POLDIP3: variants seen among roughly 807,000 people sequenced by gnomAD.
POLDIP3 encodes polymerase delta-interacting protein 3.
Under a neutral mutation model 45.1 loss-of-function variants are expected in POLDIP3, and 14 were observed. The observed-to-expected ratio is 0.31, with a 90% CI of 0.20 to 0.49. The LOEUF is 0.49. Ranked by LOEUF, POLDIP3 falls within the 20% of genes least tolerant of loss-of-function variation. POLDIP3 has a pLI of 0.99. For missense variants in POLDIP3, 511 were observed against 538.8 expected (o/e 0.95, Z 0.51); for synonymous variants, 223 against 205.2 (o/e 1.09, Z -0.74).
chr22:42,591,366 A>AT (rs928454518), intron 7 of POLDIP3, among the ~76,000 whole-genome samples: 2 of 151,940 alleles, frequency 1.3e-5, no homozygotes, highest in Admixed American at 6.6e-5. Context: ...TTTATTTGTA[A>AT]TTTTTTTTAT....
At chr22:42,589,510 C>T (rs1454205068) in intron 7 of POLDIP3, among the ~76,000 whole-genome samples, 1 of 151,518 alleles carries the variant, frequency 6.6e-6, no homozygotes, top group East Asian at 1.9e-4. Context: ...AGGAACAGAC[C>T]AACAGTAATA....
chr22:42,605,114 T>C (rs1471766865), intron 1 of POLDIP3, among the ~76,000 whole-genome samples: 1 of 152,046 alleles, frequency 6.6e-6, no homozygotes, highest in Non-Finnish European at 1.5e-5. Context: ...GACAAGGAAG[T>C]TTCTTTTCTT....
intron 8 of POLDIP3, among the ~76,000 whole-genome samples, chr22:42,586,548 AT>A (rs1329017427): frequency 1.3e-5 from 2 of 152,206 alleles, no homozygotes; most frequent in East Asian, 3.8e-4. Context: ...GGTAACATCC[AT>A]TAGCATATTA....
At chr22:42,614,510 C>T (rs1481561241) in intron 1 of POLDIP3, among the ~76,000 whole-genome samples, 1 of 152,206 alleles carries the variant, frequency 6.6e-6, no homozygotes, top group African/African-American at 2.4e-5. Flanking sequence ...CCCCAGGACC[C>T]CGGAACGCGG....
At chr22:42,606,281 G>T (rs564596122) in intron 1 of POLDIP3, among the ~76,000 whole-genome samples, 80 of 152,038 alleles carry the variant, frequency 5.3e-4, no homozygotes, top group African/African-American at 1.9e-3. Context: ...CAGCACTTTG[G>T]GAGGCCAAAT....
At chr22:42,593,326 A>G (rs1235397260) in intron 6 of POLDIP3, among the ~76,000 whole-genome samples, 1 of 152,148 alleles carries the variant, frequency 6.6e-6, no homozygotes, top group African/African-American at 2.4e-5. Context: ...TTTTATTACC[A>G]TTGTCCTTTT....
In POLDIP3 at chr22:42,585,559, T is replaced by C. The variant is rs530201086; in HGVS notation, c.*232A>G. ...CACACTGAAAAACACAAGCCTACCT[T>C]GGCGATGAGATGAAGAAACATACTA... On this transcript the variant is annotated 3_prime_UTR_variant, in exon 9 of 9. Coordinates refer to ENST00000252115, the MANE Select transcript of POLDIP3 (RefSeq NM_032311.5). The C allele has an allele frequency of 5.3e-4, 279 of 523,196 alleles. No individual in the cohort carries two copies. The highest frequency in any genetic ancestry group is 8.5e-4 in the Non-Finnish European group (248 of 292,588). 32.4% of individuals were successfully genotyped at this position (523,196 alleles called of 1,614,324 possible).
intron 7 of POLDIP3, 22 bp downstream of exon 7, chr22:42,591,933 G>T: frequency 6.2e-7 from 1 of 1,613,956 alleles, no homozygotes; most frequent in South Asian, 1.1e-5. Flanking sequence ...AGGGTCAGGG[G>T]ACTGCTTTCT....
intron 2 of POLDIP3, 179 bp from the exon 3 acceptor site, chr22:42,602,235 A>G (rs1926436612): frequency 9.8e-7 from 1 of 1,019,446 alleles, no homozygotes; most frequent in South Asian, 1.7e-5. Flanking sequence ...TCCAGAGACC[A>G]TGCCGGTAAC....
intron 6 of POLDIP3, among the ~76,000 whole-genome samples, chr22:42,594,537 G>C (rs1166612167): frequency 4.6e-5 from 7 of 151,952 alleles, no homozygotes; most frequent in Admixed American, 4.6e-4. Flanking sequence ...AAAACAAAAA[G>C]ATTTAACAAA....
chr22:42,589,377 CTA>C (rs987401012), intron 7 of POLDIP3, among the ~76,000 whole-genome samples: 1 of 151,798 alleles, frequency 6.6e-6, no homozygotes, highest in Non-Finnish European at 1.5e-5. Context: ...AAAAAAGTGA[CTA>C]GAGGTAAAGA....
intron 6 of POLDIP3, among the ~76,000 whole-genome samples, chr22:42,594,620 T>C (rs1925872910): frequency 6.6e-6 from 1 of 152,250 alleles, no homozygotes; most frequent in African/African-American, 2.4e-5. Context: ...AACGTATTCA[T>C]TTTGTGATCT....
intron 1 of POLDIP3, among the ~76,000 whole-genome samples, chr22:42,607,135 CT>C (rs1342804066): frequency 6.6e-6 from 1 of 152,198 alleles, no homozygotes; most frequent in Non-Finnish European, 1.5e-5. Context: ...CCCCCTCCCC[CT>C]CTCCCCAGTT....
chr22:42,608,444 C>A (rs1288988789), intron 1 of POLDIP3, among the ~76,000 whole-genome samples: 2 of 149,782 alleles, frequency 1.3e-5, no homozygotes, highest in Non-Finnish European at 3.0e-5. Context: ...CAAAACAAAA[C>A]AAAAAAAAAC....
intron 1 of POLDIP3, 103 bp from the exon 2 acceptor site, chr22:42,603,263 A>G: frequency 7.8e-7 from 1 of 1,282,530 alleles, no homozygotes; most frequent in Non-Finnish European, 1.1e-6. Context: ...GGCCCTGGAG[A>G]ATCAGAAAGC....
At chr22:42,603,300 G>T in intron 1 of POLDIP3, 140 bp from the exon 2 acceptor site, 2 of 833,128 alleles carry the variant, frequency 2.4e-6, no homozygotes, top group Admixed American at 5.7e-5. Flanking sequence ...TTGAATAAAC[G>T]ATTATGCCTA....
In POLDIP3 at chr22:42,614,861, G is replaced by C. The variant is rs978322970; in HGVS notation, c.-4C>G. 5 of 1,613,580 alleles carry C rather than the reference G, an allele frequency of 3.1e-6. No homozygotes were observed. The South Asian group carries it at 3.3e-5, about 11-fold the overall frequency. On this transcript the variant is annotated 5_prime_UTR_variant, in exon 1 of 9. Transcript: ENST00000252115. ...CGTCCAGGGAGATGTCCGCCATCTT[G>C]CTCCGCCGAGCAAGCCGAAAGCAGT...
At chr22:42,608,829 G>A (rs1225550833) in intron 1 of POLDIP3, among the ~76,000 whole-genome samples, 1 of 152,178 alleles carries the variant, frequency 6.6e-6, no homozygotes, top group Non-Finnish European at 1.5e-5. Flanking sequence ...AGCTCCTCAC[G>A]GTGGGAGGGA....
chr22:42,595,180 C>T (rs754843771), intron 6 of POLDIP3, among the ~76,000 whole-genome samples: 179 of 152,364 alleles, frequency 1.2e-3, no homozygotes, highest in Non-Finnish European at 2.1e-3. Flanking sequence ...AATTTTAGTA[C>T]ATGCTACACA....
Sources: gnomAD v4.1 joint callset for allele counts (sites outside exome capture counted in the v4.1 genomes callset) on GRCh38, gnomAD v4.1.1 for gene constraint, MANE v1.5 for transcripts, NCBI Gene and HGNC (gene_info 2026-07-23, HGNC 2026-07-21) for gene names.